The following METTL2A variants were observed in gnomAD, a reference collection of about 807,000 sequenced individuals.
METTL2A encodes methyltransferase 2A, tRNA N3-cytidine, also known as tRNA N(3)-cytidine methyltransferase METTL2A.
In METTL2A, 45 loss-of-function variants were observed where a neutral mutation model predicts 49.4. The ratio of observed to expected loss-of-function variants is 0.91; its 90% CI spans 0.72 to 1.17. The LOEUF (loss-of-function observed/expected upper bound fraction) is 1.17, where lower values mean the gene tolerates loss of function less well. Ranked by LOEUF, METTL2A falls within the 50% of genes most tolerant of loss-of-function variation. The pLI is 0.00. For synonymous variants in METTL2A, 118 were observed against 167.5 expected, an observed-to-expected ratio of 0.70 and a Z score of 2.28; for missense variants, 361 against 462.2, an observed-to-expected ratio of 0.78 and a Z score of 2.01.
intron 4 of METTL2A, among the ~76,000 whole-genome samples, chr17:62,429,487 C>T: frequency 6.6e-6 from 1 of 151,956 alleles, no homozygotes; most frequent in African/African-American, 2.4e-5. Context: ...GACAGGGTTT[C>T]ACCACATTGG....
intron 7 of METTL2A, among the ~76,000 whole-genome samples, chr17:62,445,259 G>A (rs1468600451): frequency 6.6e-6 from 1 of 150,474 alleles, no homozygotes; most frequent in African/African-American, 2.4e-5. Context: ...AAACCTGCAC[G>A]TTCTGCACAT....
chr17:62,430,963 T>C (rs1215419046), intron 4 of METTL2A, among the ~76,000 whole-genome samples: 1 of 152,224 alleles, frequency 6.6e-6, no homozygotes. Context: ...CCTCCTGGGA[T>C]CAAGCAATTC....
Position 62,450,861 on chromosome 17 carries a change from T to A in METTL2A, c.*2132T>A, listed in dbSNP as rs2070801864. The A allele has an allele frequency of 6.6e-6, 1 of 152,178 alleles. No homozygotes were observed. Among genetic ancestry groups the A allele is most frequent in the Non-Finnish European group, 1.5e-5 (1 of 68,034 alleles). The allele number at this position is 152,178 out of a possible 1,614,324, so 9.4% of individuals were successfully genotyped here. A position where few individuals can be genotyped will look rare whatever the true frequency, so the allele number is the denominator to read the frequency against. On this transcript the variant is annotated 3_prime_UTR_variant, in exon 9 of 9. Coordinates refer to ENST00000311506, the MANE Select transcript of METTL2A (RefSeq NM_181725.4). ...CCTAGCTTTCACCTTGTTGATGTTT[T>A]TCTAAATTTTGGAATAATAAATTTA...
chr17:62,441,248 T>C (rs1430675537), intron 6 of METTL2A, among the ~76,000 whole-genome samples: 1 of 152,230 alleles, frequency 6.6e-6, no homozygotes, highest in East Asian at 1.9e-4. Flanking sequence ...GTCCAACTTC[T>C]GTTCTGGCCT....
chr17:62,442,548 G>A (rs2070744549), intron 6 of METTL2A, among the ~76,000 whole-genome samples: 1 of 151,880 alleles, frequency 6.6e-6, no homozygotes, highest in Non-Finnish European at 1.5e-5. Flanking sequence ...CAAAGTGCTG[G>A]GATTACAGGC....
At chr17:62,428,002 A>T (rs1420446914) in intron 4 of METTL2A, among the ~76,000 whole-genome samples, 165 bp downstream of exon 4, 1 of 151,456 alleles carries the variant, frequency 6.6e-6, no homozygotes, top group Non-Finnish European at 1.5e-5. Flanking sequence ...AAAAAAAAGT[A>T]AAGGTTTTTT....
intron 7 of METTL2A, among the ~76,000 whole-genome samples, chr17:62,447,480 A>T (rs1281486034): frequency 6.6e-6 from 1 of 152,168 alleles, no homozygotes; most frequent in Non-Finnish European, 1.5e-5. Flanking sequence ...GAGAGTGAAC[A>T]AGTTGTTTTC....
At chr17:62,448,195 T>C (rs759698479) in intron 8 of METTL2A, among the ~76,000 whole-genome samples, 4 of 152,236 alleles carry the variant, frequency 2.6e-5, no homozygotes, top group Non-Finnish European at 4.4e-5. Context: ...CACCTGGGCC[T>C]TCCAAATTCT....
In METTL2A at chr17:62,448,662, A is replaced by G. The variant is rs1434541828; in HGVS notation, c.1070A>G (p.Gln357Arg). 2 of 1,614,232 alleles carry G rather than the reference A, an allele frequency of 1.2e-6. No homozygotes were observed. The highest frequency in any genetic ancestry group is 1.1e-5 in the South Asian group (1 of 91,088). ...DRRLQVNRGK[Q>R]LTMYRVWIQC... is the part of the protein sequence containing the mutation. The stretch of plus-strand genomic sequence containing the variant: ...CGACTGCAGGTGAACCGAGGAAAGC[A>G]ACTGACAATGTACCGGGTTTGGATT... The change falls in exon 9 of 9, where the codon CAA (glutamine) becomes CGA (arginine). Residue 357 changes from glutamine (Q) to arginine (R), a missense_variant. Gln to Arg is a conservative substitution (Grantham distance 43). Around this residue, in one of 3 missense-constraint regions of METTL2A, gnomAD observed 183 missense variants for 216.5 expected, o/e 0.85. Coordinates refer to ENST00000311506, the MANE Select transcript of METTL2A (RefSeq NM_181725.4).
chr17:62,435,238 A>C lies in METTL2A; in HGVS notation c.615A>C (p.Pro205=), dbSNP rs1345537857. The C allele has an allele frequency of 6.2e-7, 1 of 1,613,992 alleles. No individual in the cohort carries two copies. The highest frequency in any genetic ancestry group is 2.2e-5 in the East Asian group (1 of 44,866). ...VFPILQTNND[P]GLFVYCCDFS... The stretch of plus-strand genomic sequence containing the variant: ...TCTTTTCTGCCCATTTCAGTGACCC[A>C]GGACTCTTTGTTTATTGCTGTGATT... The change falls in exon 5 of 9, where the codon CCA becomes CCC. Residue 205 remains proline, a synonymous_variant. Coordinates refer to ENST00000311506, the MANE Select transcript of METTL2A (RefSeq NM_181725.4).
In METTL2A at chr17:62,449,334, A is replaced by G; in HGVS notation, c.*605A>G. On this transcript the variant is annotated 3_prime_UTR_variant, in exon 9 of 9. Coordinates refer to ENST00000311506, the MANE Select transcript of METTL2A (RefSeq NM_181725.4). ...CAAGCTGGGAAGAATCAGATCAGAT[A>G]TTTTCCTGACAAAAAAAAATGACCC... 1 of 432,366 alleles carries G rather than the reference A, an allele frequency of 2.3e-6. No homozygotes were observed. Among genetic ancestry groups the G allele is most frequent in the Non-Finnish European group, 4.6e-6 (1 of 218,332 alleles). 26.8% of individuals were successfully genotyped at this position (432,366 alleles called of 1,614,324 possible). A position where few individuals can be genotyped will look rare whatever the true frequency, so the allele number is the denominator to read the frequency against.
Position 62,424,269 on chromosome 17 carries a change from T to G in METTL2A, c.161T>G (p.Val54Gly). The stretch of plus-strand genomic sequence containing the variant: ...CAAGCCGCGGCGGCGGAGAGAAAAG[T>G]CCAGGAGAACAGTATCCAGCGGGTG... ...EEQAAAAERKVQENSIQRVCQ... is the reference protein window; with the variant it reads ...EEQAAAAERKGQENSIQRVCQ... The change falls in exon 2 of 9, where the codon GTC (valine) becomes GGC (glycine). Residue 54 changes from valine (V) to glycine (G), a missense_variant. Around this residue, in one of 3 missense-constraint regions of METTL2A, gnomAD observed 150 missense variants for 170.1 expected, o/e 0.88. Coordinates refer to ENST00000311506, the MANE Select transcript of METTL2A (RefSeq NM_181725.4). 1 of 1,613,926 alleles carries G rather than the reference T, an allele frequency of 6.2e-7. No homozygotes were observed.
chr17:62,445,796 G>GAA (rs758786127), intron 7 of METTL2A, among the ~76,000 whole-genome samples: 1 of 111,396 alleles, frequency 9.0e-6, no homozygotes, highest in Admixed American at 9.1e-5. Context: ...ACTGTCTCAA[G>GAA]AAAAAAAAAA....
chr17:62,429,548 C>T (rs997942131), intron 4 of METTL2A, among the ~76,000 whole-genome samples: 6 of 152,176 alleles, frequency 3.9e-5, no homozygotes, highest in Non-Finnish European at 8.8e-5. Context: ...GCCTCGGCCT[C>T]CCAAAGTGCT....
chr17:62,425,925 C>T (rs1423242404), intron 2 of METTL2A, among the ~76,000 whole-genome samples: 2 of 150,294 alleles, frequency 1.3e-5, no homozygotes, highest in Non-Finnish European at 3.0e-5. Flanking sequence ...GGCATGAACC[C>T]GGGAGGTGGA....
At chr17:62,438,236 A>G (rs933413142) in intron 5 of METTL2A, among the ~76,000 whole-genome samples, 3 of 151,724 alleles carry the variant, frequency 2.0e-5, no homozygotes, top group African/African-American at 4.8e-5. Flanking sequence ...GTGAAACTCC[A>G]TCTCTACTAA....
At chr17:62,424,675 A>C (rs1162157456) in intron 2 of METTL2A, among the ~76,000 whole-genome samples, 1 of 152,086 alleles carries the variant, frequency 6.6e-6, no homozygotes. Context: ...GATGTTTTCC[A>C]TTGAAGCTTC....
intron 7 of METTL2A, 74 bp from the exon 8 acceptor site, chr17:62,447,627 G>A: frequency 6.4e-7 from 1 of 1,565,898 alleles, no homozygotes; most frequent in Non-Finnish European, 8.8e-7. Context: ...TGACCTCCCA[G>A]TTAACATTCC....
intron 4 of METTL2A, among the ~76,000 whole-genome samples, chr17:62,433,379 G>T (rs1249730103): frequency 6.6e-6 from 1 of 151,702 alleles, no homozygotes; most frequent in African/African-American, 2.4e-5. Context: ...GTTGCAGTGA[G>T]CTGAGACCAC....
Sources: gnomAD v4.1 joint callset for allele counts (sites outside exome capture counted in the v4.1 genomes callset) on GRCh38, gnomAD v4.1.1 for gene constraint, gnomAD v4.1.1 regional missense constraint, MANE v1.5 for transcripts, NCBI Gene and HGNC (gene_info 2026-07-23, HGNC 2026-07-21) for gene names.